Variants in IGF2BP2 observed in about 807,000 individuals in gnomAD.
IGF2BP2 encodes the protein insulin like growth factor 2 mRNA binding protein 2, also known as insulin-like growth factor 2 mRNA-binding protein 2.
In IGF2BP2, 17 loss-of-function variants were observed where a neutral mutation model predicts 75.8. That is an observed-to-expected ratio of 0.22 (90% CI 0.15 to 0.34). The LOEUF (loss-of-function observed/expected upper bound fraction) is 0.34, where lower values mean the gene tolerates loss of function less well. Among genes scored for constraint, IGF2BP2 ranks in the 10% least tolerant of loss-of-function variants. The pLI is 1.00. For missense variants in IGF2BP2, 516 were observed against 772.4 expected (o/e 0.67, Z 3.93); for synonymous variants, 288 against 295.6 (o/e 0.97, Z 0.26).
intron 2 of IGF2BP2, among the ~76,000 whole-genome samples, chr3:185,769,723 G>GA (rs1733604236): frequency 6.6e-6 from 1 of 150,804 alleles, no homozygotes; most frequent in African/African-American, 2.4e-5. Flanking sequence ...CAGCTACTCA[G>GA]GAGGCTGAGG....
At chr3:185,811,060 T>A (rs1383885056) in intron 2 of IGF2BP2, among the ~76,000 whole-genome samples, 1 of 152,100 alleles carries the variant, frequency 6.6e-6, no homozygotes, top group Non-Finnish European at 1.5e-5. Context: ...ATTCAGCATA[T>A]ATATACATAT....
At chr3:185,670,365 T>C (rs1385107775) in intron 10 of IGF2BP2, among the ~76,000 whole-genome samples, 2 of 152,190 alleles carry the variant, frequency 1.3e-5, no homozygotes, top group African/African-American at 4.8e-5. Flanking sequence ...AAATCATAAA[T>C]ATTTTAGGCT....
chr3:185,761,246 C>T (rs1732317543), intron 2 of IGF2BP2, among the ~76,000 whole-genome samples: 1 of 152,012 alleles, frequency 6.6e-6, no homozygotes, highest in Admixed American at 6.6e-5. Context: ...TACTCCTGTA[C>T]ACACAAAAAA....
chr3:185,673,217 T>TA (rs1447506511), intron 9 of IGF2BP2, among the ~76,000 whole-genome samples: 2 of 152,256 alleles, frequency 1.3e-5, no homozygotes, highest in Non-Finnish European at 2.9e-5. Context: ...ATAGCCTGTT[T>TA]AGTTACCTCT....
At chr3:185,797,701 C>G (rs905708081) in intron 2 of IGF2BP2, among the ~76,000 whole-genome samples, 2 of 151,774 alleles carry the variant, frequency 1.3e-5, no homozygotes, top group Admixed American at 6.6e-5. Flanking sequence ...CCCAGGAGTT[C>G]GAGACCAGCC....
intron 2 of IGF2BP2, among the ~76,000 whole-genome samples, chr3:185,815,431 G>A (rs1273202484): frequency 6.6e-6 from 1 of 152,202 alleles, no homozygotes; most frequent in African/African-American, 2.4e-5. Flanking sequence ...GTATTCAAAT[G>A]AGATGGACAA....
intron 2 of IGF2BP2, among the ~76,000 whole-genome samples, chr3:185,734,954 A>G (rs1418101697): frequency 1.3e-5 from 2 of 152,118 alleles, no homozygotes; most frequent in Non-Finnish European, 2.9e-5. Flanking sequence ...GCTCCCTCAC[A>G]CTGTAATAGC....
chr3:185,790,016 G>C (rs1421559768), intron 2 of IGF2BP2, among the ~76,000 whole-genome samples: 1 of 152,162 alleles, frequency 6.6e-6, no homozygotes, highest in Admixed American at 6.5e-5. Context: ...TTACAGGTGT[G>C]AGCCACTGTG....
At position 185,675,933 on chromosome 3, in the gene IGF2BP2, A is replaced by G. The variant is rs1719272403; in HGVS notation, c.813-20T>C. The stretch of plus-strand genomic sequence containing the variant: ...TCGGCTCTAAAAGAGACAAGCAGCA[A>G]GTTAACACTTCAGATACGTATAACG... On this transcript the variant is annotated intron_variant, in intron 7 of 15. Transcript: ENST00000382199. The G allele has an allele frequency of 1.2e-6, 2 of 1,613,102 alleles. No individual in the cohort carries two copies. The highest frequency in any genetic ancestry group is 2.7e-5 in the African/African-American group (2 of 74,868).
At chr3:185,775,018 T>C (rs1451210154) in intron 2 of IGF2BP2, among the ~76,000 whole-genome samples, 2 of 149,198 alleles carry the variant, frequency 1.3e-5, no homozygotes, top group Admixed American at 6.7e-5. Flanking sequence ...AGACTCCGTC[T>C]AAAAAGAAAA....
Position 185,701,947 on chromosome 3 carries a change from C to A in IGF2BP2, c.240-3600G>T, listed in dbSNP as rs1578022852. On this transcript the variant is annotated intron_variant, in intron 2 of 15. Transcript: ENST00000382199. ...CAGTATGCCTTCTCATCAGGGTACCCAGGAGGCCTGTCCCCTCCTTCCCCG... is the reference window on the plus strand; with the variant it reads ...CAGTATGCCTTCTCATCAGGGTACCAAGGAGGCCTGTCCCCTCCTTCCCCG... Among the ~76,000 whole-genome samples the A allele has an allele frequency of 3.3e-5, 5 of 152,264 alleles. No homozygotes were observed. In the South Asian group the frequency reaches 8.3e-4, roughly 25 times the overall value.
intron 2 of IGF2BP2, among the ~76,000 whole-genome samples, chr3:185,793,937 G>A (rs1448240175): frequency 1.3e-5 from 2 of 150,848 alleles, no homozygotes; most frequent in African/African-American, 4.9e-5. Context: ...CCCCAGATAA[G>A]GAATGGTCAA....
At chr3:185,765,106 A>C (rs1169257410) in intron 2 of IGF2BP2, among the ~76,000 whole-genome samples, 1 of 152,194 alleles carries the variant, frequency 6.6e-6, no homozygotes, top group African/African-American at 2.4e-5. Context: ...CTTAGGAATG[A>C]ATGTAAGCAC....
chr3:185,661,751 G>C (rs1716487260), intron 10 of IGF2BP2, among the ~76,000 whole-genome samples: 1 of 152,112 alleles, frequency 6.6e-6, no homozygotes, highest in Non-Finnish European at 1.5e-5. Context: ...TGTCAGCATG[G>C]AGCTTGTGTT....
At chr3:185,817,148 A>C (rs1267324651) in intron 2 of IGF2BP2, among the ~76,000 whole-genome samples, 1 of 152,232 alleles carries the variant, frequency 6.6e-6, no homozygotes, top group African/African-American at 2.4e-5. Flanking sequence ...CACTAAACAG[A>C]ATGGGAAAAT....
At chr3:185,751,060 T>C (rs1267925654) in intron 2 of IGF2BP2, among the ~76,000 whole-genome samples, 1 of 151,122 alleles carries the variant, frequency 6.6e-6, no homozygotes, top group East Asian at 2.0e-4. Flanking sequence ...CTATTAAAAA[T>C]ATATTAGCTG....
At chr3:185,649,713 C>T (rs964733655) in intron 13 of IGF2BP2, among the ~76,000 whole-genome samples, 179 bp from the exon 14 acceptor site, 11 of 152,202 alleles carry the variant, frequency 7.2e-5, no homozygotes, top group African/African-American at 2.7e-4. Context: ...GCGCTGCTCC[C>T]GCCACGTCAG....
chr3:185,816,944 A>T (rs975661235), intron 2 of IGF2BP2, among the ~76,000 whole-genome samples: 1 of 152,234 alleles, frequency 6.6e-6, no homozygotes. Flanking sequence ...GAGACACATT[A>T]ATTACATGAC....
intron 2 of IGF2BP2, among the ~76,000 whole-genome samples, chr3:185,820,496 C>T (rs192523118): frequency 7.2e-5 from 11 of 152,034 alleles, no homozygotes; most frequent in African/African-American, 1.9e-4. Context: ...GCTTTATGTG[C>T]GGTTGACATT....
Sources: gnomAD v4.1 joint callset for allele counts (sites outside exome capture counted in the v4.1 genomes callset) on GRCh38, gnomAD v4.1.1 for gene constraint, MANE v1.5 for transcripts, NCBI Gene and HGNC (gene_info 2026-07-23, HGNC 2026-07-21) for gene names.